The following LRP12 variants were observed in gnomAD, a reference collection of about 807,000 sequenced individuals.
LRP12 encodes the protein LDL receptor related protein 12.
LRP12 carries 14 observed loss-of-function variants against 66.0 expected under a neutral mutation model. That is an observed-to-expected ratio of 0.21 (90% CI 0.14 to 0.33). The LOEUF is 0.33. LRP12 is among the 10% of genes least tolerant of loss of function. LRP12 has a pLI of 1.00. For missense variants in LRP12, 889 were observed against 1,053.4 expected (o/e 0.84, Z 2.16); for synonymous variants, 357 against 359.1 (o/e 0.99, Z 0.07).
chr8:104,502,884 T>G (rs1444916409), intron 3 of LRP12, among the ~76,000 whole-genome samples: 1 of 152,008 alleles, frequency 6.6e-6, no homozygotes, highest in Non-Finnish European at 1.5e-5. Flanking sequence ...CACTAAACAT[T>G]TAAGATTCAT....
At chr8:104,513,388 A>C (rs1312586792) in intron 2 of LRP12, among the ~76,000 whole-genome samples, 2 of 152,120 alleles carry the variant, frequency 1.3e-5, no homozygotes, top group African/African-American at 4.8e-5. Context: ...TCTAAGGTCT[A>C]TTTCAGCCCT....
intron 1 of LRP12, among the ~76,000 whole-genome samples, chr8:104,563,929 A>T (rs1811954795): frequency 1.3e-5 from 2 of 152,210 alleles, no homozygotes; most frequent in South Asian, 4.1e-4. Flanking sequence ...ATATACATAA[A>T]CAAAAACACA....
At chr8:104,577,030 A>C (rs1171986410) in intron 1 of LRP12, among the ~76,000 whole-genome samples, 1 of 152,240 alleles carries the variant, frequency 6.6e-6, no homozygotes, top group Non-Finnish European at 1.5e-5. Context: ...GTTCAATTCA[A>C]CAGGAAGATT....
At chr8:104,579,773 C>T (rs919950169) in intron 1 of LRP12, among the ~76,000 whole-genome samples, 40 of 152,128 alleles carry the variant, frequency 2.6e-4, no homozygotes, top group African/African-American at 9.7e-4. Context: ...AGAAATAAGG[C>T]AGCACATCTA....
intron 6 of LRP12, among the ~76,000 whole-genome samples, 161 bp downstream of exon 6, chr8:104,494,916 T>C (rs1307518262): frequency 6.6e-6 from 1 of 152,254 alleles, no homozygotes; most frequent in Non-Finnish European, 1.5e-5. Flanking sequence ...TTGCAGTTTG[T>C]AGTGTTAAAC....
chr8:104,538,399 C>T (rs1811419340), intron 1 of LRP12, among the ~76,000 whole-genome samples: 1 of 152,118 alleles, frequency 6.6e-6, no homozygotes, highest in African/African-American at 2.4e-5. Context: ...ACAACCACCA[C>T]AACCCAAAAC....
At chr8:104,588,797 G>GCGCGGGGA (rs1373715880) in intron 1 of LRP12, 22 bp downstream of exon 1, 2 of 1,609,198 alleles carry the variant, frequency 1.2e-6, no homozygotes, top group African/African-American at 2.7e-5. Context: ...GGTCAGCGGG[G>GCGCGGGGA]CGCGGGGACG....
intron 2 of LRP12, among the ~76,000 whole-genome samples, chr8:104,527,914 A>G (rs576721959): frequency 6.6e-6 from 1 of 152,276 alleles, no homozygotes; most frequent in East Asian, 1.9e-4. Context: ...GTTCCTTCAG[A>G]TAATATTTTA....
chr8:104,508,047 C>A (rs1410105862), intron 3 of LRP12: 1 of 152,154 alleles, frequency 6.6e-6, no homozygotes, highest in African/African-American at 2.4e-5. Context: ...ATGCCTCCTA[C>A]CCATACAATG....
intron 1 of LRP12, among the ~76,000 whole-genome samples, chr8:104,561,373 G>A (rs1225988993): frequency 6.6e-6 from 1 of 152,134 alleles, no homozygotes; most frequent in Non-Finnish European, 1.5e-5. Flanking sequence ...ATAGGTCCAG[G>A]TAGGGCAGAC....
chr8:104,581,773 G>A (rs1812252440), intron 1 of LRP12, among the ~76,000 whole-genome samples: 1 of 152,082 alleles, frequency 6.6e-6, no homozygotes, highest in Admixed American at 6.5e-5. Flanking sequence ...TCTACACGAA[G>A]AGCACAGCAG....
intron 1 of LRP12, among the ~76,000 whole-genome samples, chr8:104,553,170 G>T (rs1811753337): frequency 6.6e-6 from 1 of 152,206 alleles, no homozygotes; most frequent in African/African-American, 2.4e-5. Flanking sequence ...CAGGGAGAAG[G>T]AAACTTCCAG....
At chr8:104,568,786 C>T (rs577678953) in intron 1 of LRP12, among the ~76,000 whole-genome samples, 1 of 152,098 alleles carries the variant, frequency 6.6e-6, no homozygotes, top group Non-Finnish European at 1.5e-5. Flanking sequence ...AAAGTGTTGG[C>T]AAGGATGTGG....
At chr8:104,491,626 G>T in intron 6 of LRP12, 87 bp from the exon 7 acceptor site, 3 of 1,102,078 alleles carry the variant, frequency 2.7e-6, no homozygotes, top group Non-Finnish European at 3.8e-6. Flanking sequence ...TTAAGAATGT[G>T]TTGTGGTTAA....
intron 1 of LRP12, among the ~76,000 whole-genome samples, chr8:104,562,904 C>CAGG (rs1811936069): frequency 2.0e-5 from 3 of 152,110 alleles, no homozygotes; most frequent in Non-Finnish European, 2.9e-5. Context: ...AATTAATGAT[C>CAGG]TGGCATGTCT....
intron 1 of LRP12, among the ~76,000 whole-genome samples, chr8:104,569,929 A>G (rs78447057): frequency 0.074 from 11,199 of 152,210 alleles, 461 homozygotes; most frequent in African/African-American, 0.083. Context: ...CTACACAAAT[A>G]CTCCTAGAAC....
intron 3 of LRP12, chr8:104,507,819 A>T (rs528220561): frequency 4.2e-4 from 64 of 152,300 alleles, no homozygotes; most frequent in African/African-American, 1.5e-3. Context: ...AAAGGAAAAC[A>T]AACTATGGCC....
At position 104,588,954 on chromosome 8, in the gene LRP12, G is replaced by A. The variant is rs1215803909; in HGVS notation, c.-57C>T. On this transcript the variant is annotated 5_prime_UTR_variant, in exon 1 of 7. Transcript: ENST00000276654. ...ACGGAGGAGGAGGGAGGAGAAGCTG[G>A]AGGTAGACGACGCCGACGCCGCCGC... is the stretch of plus-strand genomic sequence containing the variant. 5 of 1,315,232 alleles carry A rather than the reference G, an allele frequency of 3.8e-6. No individual in the cohort carries two copies. The highest frequency in any genetic ancestry group is 5.0e-5 in the Admixed American group (2 of 40,264). 81.5% of individuals were successfully genotyped at this position (1,315,232 alleles called of 1,614,324 possible). A position where few individuals can be genotyped will look rare whatever the true frequency, so the allele number is the denominator to read the frequency against.
intron 1 of LRP12, among the ~76,000 whole-genome samples, chr8:104,583,016 T>C (rs1397744590): frequency 6.6e-6 from 1 of 152,050 alleles, no homozygotes; most frequent in Non-Finnish European, 1.5e-5. Context: ...AATCCCCTTA[T>C]CTCTATCAAC....
Sources: gnomAD v4.1 joint callset for allele counts (sites outside exome capture counted in the v4.1 genomes callset) on GRCh38, gnomAD v4.1.1 for gene constraint, MANE v1.5 for transcripts, NCBI Gene and HGNC (gene_info 2026-07-23, HGNC 2026-07-21) for gene names.